The following PLXNC1 variants were observed in gnomAD, a reference collection of about 807,000 sequenced individuals.
The protein encoded by PLXNC1 is plexin-C1.
Under a neutral mutation model 178.2 loss-of-function variants are expected in PLXNC1, and 75 were observed. The ratio of observed to expected loss-of-function variants is 0.42; its 90% confidence interval spans 0.35 to 0.51. The LOEUF (loss-of-function observed/expected upper bound fraction) is 0.51. Among genes scored for constraint, PLXNC1 ranks in the 20% least tolerant of loss-of-function variants. The probability of loss-of-function intolerance (pLI) is 0.02; values close to 1 mark genes in which losing one functional copy is unlikely to be tolerated. For synonymous variants in PLXNC1, 790 were observed against 779.9 expected (o/e 1.01, Z -0.22); for missense variants, 1,503 against 1,984.4 (o/e 0.76, Z 4.61).
At position 94,181,453 on chromosome 12, in the gene PLXNC1, T is replaced by C; in HGVS notation, c.1211T>C (p.Leu404Pro). Residue 404 changes from leucine (L) to proline (P), a missense_variant, in exon 3 of 31, where the codon CTT becomes CCT. Leu to Pro is a moderately conservative substitution (Grantham distance 98, BLOSUM62 -3). Transcript: ENST00000258526. ...TGDGQLLKVI[L>P]GENLTSNCPE... is the part of the protein sequence containing the mutation. ...TTTGAAAAAAAAAAATAGGTTATTCTTGGTGAGAATTTGACTTCAAATTGT... is the reference window on the plus strand; with the variant it reads ...TTTGAAAAAAAAAAATAGGTTATTCCTGGTGAGAATTTGACTTCAAATTGT... 6.4e-7 allele frequency: 1 copy of C among 1,552,396 alleles called. No individual in the cohort carries two copies. Among genetic ancestry groups the C allele is most frequent in the Non-Finnish European group, 8.8e-7 (1 of 1,137,592 alleles).
chr12:94,243,935 C>T lies in PLXNC1; in HGVS notation c.2301-3C>T, dbSNP rs200221413. 1,418 of 1,532,932 alleles carry T rather than the reference C, an allele frequency of 9.3e-4. 2 individuals are homozygous for T. The highest frequency in any genetic ancestry group is 1.1e-3 in the Non-Finnish European group (1,183 of 1,110,666). The allele number at this position is 1,532,932 out of a possible 1,614,324, so 95.0% of individuals were successfully genotyped here. ...CCCTTATTGTTGCTTTTATTCCTTG[C>T]AGTGGTGGTCAAAATATAACCATGA... On this transcript the variant is annotated splice_polypyrimidine_tract_variant and splice_region_variant and intron_variant, in intron 11 of 30. Coordinates refer to ENST00000258526, the MANE Select transcript of PLXNC1 (RefSeq NM_005761.3).
At chr12:94,280,864 A>G (rs1435085788) in intron 22 of PLXNC1, among the ~76,000 whole-genome samples, 1 of 152,188 alleles carries the variant, frequency 6.6e-6, no homozygotes, top group African/African-American at 2.4e-5. Flanking sequence ...CTCCTAAAGT[A>G]GGAAGGCAAG....
chr12:94,199,453 G>T (rs1437145853), intron 4 of PLXNC1, among the ~76,000 whole-genome samples: 1 of 152,046 alleles, frequency 6.6e-6, no homozygotes, highest in South Asian at 2.1e-4. Flanking sequence ...GGGTGGAAGC[G>T]GTGGGGAGCA....
chr12:94,284,395 T>G (rs1006168667), intron 23 of PLXNC1, among the ~76,000 whole-genome samples: 3 of 152,286 alleles, frequency 2.0e-5, no homozygotes, highest in African/African-American at 7.2e-5. Flanking sequence ...GCTTGGAGGT[T>G]AGAAGCAAGA....
chr12:94,167,282 A>T (rs1386987618), intron 1 of PLXNC1, among the ~76,000 whole-genome samples: 3 of 152,212 alleles, frequency 2.0e-5, no homozygotes, highest in African/African-American at 7.2e-5. Context: ...ACTGTATACC[A>T]GACCTGGCTG....
At chr12:94,151,453 A>T (rs1281102632) in intron 1 of PLXNC1, among the ~76,000 whole-genome samples, 1 of 152,214 alleles carries the variant, frequency 6.6e-6, no homozygotes, top group Non-Finnish European at 1.5e-5. Context: ...ATTTTTAAAA[A>T]TATGTAAAAA....
Position 94,274,178 on chromosome 12 carries a change from A to G in PLXNC1, c.3598-5294A>G, listed in dbSNP as rs890089316. 1.0e-4 allele frequency among the ~76,000 whole-genome samples: 15 copies of G among 150,590 alleles called. No individual in the cohort carries two copies. In the East Asian group the frequency reaches 1.7e-3, roughly 18 times the overall value. Reference sequence around the variant, plus strand: ...TCTAAAAAAAAAAAAAAAAAAAAAAAAAAAAAAAATTTAGCCAAGCATGGC... The same window carrying G: ...TCTAAAAAAAAAAAAAAAAAAAAAAGAAAAAAAAATTTAGCCAAGCATGGC... On this transcript the variant is annotated intron_variant, in intron 21 of 30. Transcript: ENST00000258526.
chr12:94,160,363 C>G (rs1271450399), intron 1 of PLXNC1, among the ~76,000 whole-genome samples: 1 of 151,724 alleles, frequency 6.6e-6, no homozygotes, highest in South Asian at 2.1e-4. Flanking sequence ...CACTGGGGCT[C>G]TGTTTTGAGG....
chr12:94,289,847 C>T (rs771401348), intron 23 of PLXNC1, among the ~76,000 whole-genome samples: 3 of 152,118 alleles, frequency 2.0e-5, no homozygotes, highest in African/African-American at 2.4e-5. Context: ...CACACATACG[C>T]GCTCACACAC....
At chr12:94,284,109 G>A (rs964690844) in intron 23 of PLXNC1, among the ~76,000 whole-genome samples, 59 of 129,104 alleles carry the variant, frequency 4.6e-4, no homozygotes, top group African/African-American at 1.4e-3. Context: ...AAAAAAAAAA[G>A]CAGGGTTTGC....
Position 94,169,138 on chromosome 12 carries a change from T to A in PLXNC1, c.1063-15T>A, listed in dbSNP as rs1460358556. 1 of 1,610,316 alleles carries A rather than the reference T, an allele frequency of 6.2e-7. No homozygotes were observed. On this transcript the variant is annotated splice_polypyrimidine_tract_variant and intron_variant, in intron 1 of 30. Transcript: ENST00000258526. ...AATTATTATTATTTTTTTGTGCGTT[T>A]GTGTGCATGTTCAGAAAGAAGGGGA...
At chr12:94,291,078 G>A (rs759784796) in intron 23 of PLXNC1, among the ~76,000 whole-genome samples, 4 of 152,236 alleles carry the variant, frequency 2.6e-5, no homozygotes, top group African/African-American at 9.6e-5. Flanking sequence ...TCAGGGTGTG[G>A]GGGAGGGGCA....
At chr12:94,220,229 A>G in intron 6 of PLXNC1, 66 bp downstream of exon 6, 1 of 1,497,452 alleles carries the variant, frequency 6.7e-7, no homozygotes, top group Admixed American at 1.8e-5. Flanking sequence ...TCCTGAGTTT[A>G]GTTTGCCCAA....
chr12:94,297,150 T>A, intron 24 of PLXNC1, 39 bp from the exon 25 acceptor site: 2 of 1,611,464 alleles, frequency 1.2e-6, no homozygotes, highest in Non-Finnish European at 1.7e-6. Context: ...TTGCTTTTTT[T>A]AATGGACTGC....
intron 9 of PLXNC1, among the ~76,000 whole-genome samples, chr12:94,236,168 A>G (rs1170150970): frequency 1.3e-5 from 2 of 152,210 alleles, no homozygotes; most frequent in African/African-American, 2.4e-5. Flanking sequence ...TACAGGGCTA[A>G]CGTCCTTCAC....
In PLXNC1 at chr12:94,149,987, G is replaced by A. The variant is rs1166331202; in HGVS notation, c.1016G>A (p.Arg339His). The A allele has an allele frequency of 1.3e-6, 2 of 1,595,442 alleles. No individual in the cohort carries two copies. The highest frequency in any genetic ancestry group is 2.7e-5 in the African/African-American group (2 of 74,458). Residue 339 changes from arginine (R) to histidine (H), a missense_variant, in exon 1 of 31, where the codon CGC becomes CAC. Physicochemically the swap from Arg to His is conservative, Grantham distance 29. Coordinates refer to ENST00000258526, the MANE Select transcript of PLXNC1 (RefSeq NM_005761.3). ...CLFRMSEIQA[R>H]AKRVSWDFKT... Reference sequence around the variant, plus strand: ...TTCAGAATGAGTGAGATCCAGGCGCGCGCCAAGAGGGTCAGCTGGGACTTC... The same window carrying A: ...TTCAGAATGAGTGAGATCCAGGCGCACGCCAAGAGGGTCAGCTGGGACTTC...
intron 1 of PLXNC1, among the ~76,000 whole-genome samples, chr12:94,166,273 C>A (rs1961605487): frequency 6.7e-6 from 1 of 149,266 alleles, no homozygotes; most frequent in Non-Finnish European, 1.5e-5. Context: ...TACGCACAAA[C>A]TCACCCAGTC....
At chr12:94,190,672 C>G (rs528124672) in intron 4 of PLXNC1, among the ~76,000 whole-genome samples, 8 of 152,228 alleles carry the variant, frequency 5.3e-5, no homozygotes, top group Non-Finnish European at 1.0e-4. Flanking sequence ...CATCTTAGAA[C>G]TCAGTCTGAC....
chr12:94,154,128 A>T (rs1049925438), intron 1 of PLXNC1, among the ~76,000 whole-genome samples: 3 of 152,226 alleles, frequency 2.0e-5, no homozygotes, highest in Non-Finnish European at 1.5e-5. Flanking sequence ...CTGAATAGTT[A>T]TTATGGCCAG....
Sources: gnomAD v4.1 joint callset for allele counts (sites outside exome capture counted in the v4.1 genomes callset) on GRCh38, gnomAD v4.1.1 for gene constraint, MANE v1.5 for transcripts, NCBI Gene and HGNC (gene_info 2026-07-23, HGNC 2026-07-21) for gene names.